AKAP6: variants seen among roughly 807,000 people sequenced by gnomAD.
AKAP6 encodes A-kinase anchoring protein 6.
AKAP6 carries 58 observed loss-of-function variants against 188.5 expected under a neutral mutation model. The observed-to-expected ratio is 0.31, with a 90% CI of 0.25 to 0.38. AKAP6 has a LOEUF of 0.38. Among genes scored for constraint, AKAP6 ranks in the 10% least tolerant of loss-of-function variants. The pLI is 1.00. For missense variants in AKAP6, 2,710 were observed against 2,740.0 expected (o/e 0.99, Z 0.24); for synonymous variants, 989 against 998.6 (o/e 0.99, Z 0.18).
rs1594856965 is a variant in AKAP6 at position 32,696,118 on chromosome 14, C to T, written c.3000+8C>T. 6 of 1,596,266 alleles carry T rather than the reference C, an allele frequency of 3.8e-6. No homozygotes were observed. Among genetic ancestry groups the T allele is most frequent in the Non-Finnish European group, 5.1e-6 (6 of 1,174,750 alleles). On this transcript the variant is annotated splice_region_variant and intron_variant, in intron 9 of 13. Coordinates refer to ENST00000280979, the MANE Select transcript of AKAP6 (RefSeq NM_004274.5). ...CAGCAGCATCTTTACAAGGTTAGAG[C>T]TACCCTTCCTGCCTTTACCTTGCTG...
Position 32,732,691 on chromosome 14 carries a change from ATC to A in AKAP6, c.3147+99_3147+100del, listed in dbSNP as rs750361093. ...CCGATTTCTAATTTGAGGCACAAAT[ATC>A]TCTCTCTTTCAATTCACTACCTACG... On this transcript the variant is annotated intron_variant, in intron 10 of 13. Transcript: ENST00000280979. The A allele has an allele frequency of 1.0e-4, 143 of 1,410,846 alleles. 1 individual carries two copies. The South Asian group carries it at 1.5e-3, about 15-fold the overall frequency. 87.4% of individuals were successfully genotyped at this position (1,410,846 alleles called of 1,614,324 possible).
chr14:32,530,714 C>T (rs1371078623), intron 2 of AKAP6, among the ~76,000 whole-genome samples: 1 of 152,076 alleles, frequency 6.6e-6, no homozygotes, highest in Non-Finnish European at 1.5e-5. Context: ...AAGGGTGCCT[C>T]ATTTCTGTCT....
rs117072209 is a variant in AKAP6 at position 32,507,654 on chromosome 14, G to A, written c.325-27900G>A. Reference sequence around the variant, plus strand: ...GCAAGGCAACATATAATTAAGTGCCGGAATGAGTGATGCAGTCAAGTGCTA... The same window carrying A: ...GCAAGGCAACATATAATTAAGTGCCAGAATGAGTGATGCAGTCAAGTGCTA... On this transcript the variant is annotated intron_variant, in intron 2 of 13. Transcript: ENST00000280979. Among the ~76,000 whole-genome samples, 1,244 of 152,106 alleles carry A rather than the reference G, an allele frequency of 8.2e-3. 6 individuals are homozygous for A. The highest frequency in any genetic ancestry group is 0.012 in the Non-Finnish European group (826 of 67,994).
At chr14:32,685,724 CAA>C (rs71115091) in intron 8 of AKAP6, among the ~76,000 whole-genome samples, 4,080 of 86,030 alleles carry the variant, frequency 0.047, 162 homozygotes, top group African/African-American at 0.15. Context: ...GACTCCATCT[CAA>C]AAAAAAAAAA....
At chr14:32,609,291 G>A (rs1375714048) in intron 7 of AKAP6, among the ~76,000 whole-genome samples, 1 of 152,088 alleles carries the variant, frequency 6.6e-6, no homozygotes, top group Non-Finnish European at 1.5e-5. Flanking sequence ...TTTCTCTTTG[G>A]AATTCAGTTG....
At chr14:32,624,399 A>G (rs897263447) in intron 7 of AKAP6, among the ~76,000 whole-genome samples, 1 of 152,212 alleles carries the variant, frequency 6.6e-6, no homozygotes, top group Admixed American at 6.5e-5. Flanking sequence ...AGCATGGTTG[A>G]TGGTTGTTAC....
chr14:32,480,449 G>A (rs1229586637), intron 2 of AKAP6, among the ~76,000 whole-genome samples: 2 of 152,136 alleles, frequency 1.3e-5, no homozygotes, highest in African/African-American at 4.8e-5. Context: ...AAAAAGTTGT[G>A]CCGTAGTCAT....
Position 32,823,144 on chromosome 14 carries a change from C to T in AKAP6, c.5331C>T (p.Ser1777=). 1 of 1,613,644 alleles carries T rather than the reference C, an allele frequency of 6.2e-7. No homozygotes were observed. Among genetic ancestry groups the T allele is most frequent in the Non-Finnish European group, 8.5e-7 (1 of 1,179,882 alleles). ...ELCIKDEDDD[S]SIATDDEIYE... is the part of the protein sequence containing the mutation. ...GCATCAAAGATGAGGATGACGACTC[C>T]AGTATTGCAACAGATGATGAAATTT... Residue 1777 remains serine (S), a synonymous_variant, in exon 13 of 14, where the codon TCC becomes TCT. Coordinates refer to ENST00000280979, the MANE Select transcript of AKAP6 (RefSeq NM_004274.5).
intron 12 of AKAP6, among the ~76,000 whole-genome samples, chr14:32,801,509 C>G (rs2033947893): frequency 6.6e-6 from 1 of 152,146 alleles, no homozygotes. Context: ...TACGTTGTTA[C>G]TACTGTTAAT....
At chr14:32,436,430 T>G (rs556428053) in intron 2 of AKAP6, among the ~76,000 whole-genome samples, 2 of 152,278 alleles carry the variant, frequency 1.3e-5, no homozygotes, top group African/African-American at 4.8e-5. Context: ...AGCATGACTC[T>G]CCACTCCACA....
At chr14:32,636,213 TA>T (rs1594800761) in intron 7 of AKAP6, among the ~76,000 whole-genome samples, 1 of 152,150 alleles carries the variant, frequency 6.6e-6, no homozygotes, top group Non-Finnish European at 1.5e-5. Context: ...ATATACAACA[TA>T]ATTGCTGGCA....
At chr14:32,561,934 C>A (rs1055687570) in intron 4 of AKAP6, among the ~76,000 whole-genome samples, 2 of 152,218 alleles carry the variant, frequency 1.3e-5, no homozygotes, top group African/African-American at 2.4e-5. Flanking sequence ...GGGGGGAAAT[C>A]ATTTCAAGAG....
At position 32,669,206 on chromosome 14, in the gene AKAP6, A is replaced by G. The variant is rs115417344; in HGVS notation, c.2731-9105A>G. 2.4e-3 allele frequency among the ~76,000 whole-genome samples: 358 copies of G among 152,306 alleles called. 2 individuals carry two copies. Among genetic ancestry groups the G allele is most frequent in the African/African-American group, 5.5e-3 (230 of 41,574 alleles). ...ACACTCAAGATGTATTTGTTGAATG[A>G]ATAAATGAAGGGCCTGAATCAACTT... On this transcript the variant is annotated intron_variant, in intron 7 of 13. Transcript: ENST00000280979.
At chr14:32,755,670 G>A (rs1405025010) in intron 11 of AKAP6, among the ~76,000 whole-genome samples, 1 of 152,040 alleles carries the variant, frequency 6.6e-6, no homozygotes, top group Non-Finnish European at 1.5e-5. Context: ...TGACACTACA[G>A]GTGAATACCA....
At chr14:32,735,546 CTG>C in intron 10 of AKAP6, 110 bp from the exon 11 acceptor site, 2 of 760,962 alleles carry the variant, frequency 2.6e-6, no homozygotes, top group South Asian at 2.0e-5. Context: ...ACCAACAAAA[CTG>C]TGGTGTGTTT....
intron 1 of AKAP6, among the ~76,000 whole-genome samples, chr14:32,375,500 C>CAA (rs35341541): frequency 8.2e-4 from 105 of 127,812 alleles, no homozygotes; most frequent in Non-Finnish European, 1.0e-3. Flanking sequence ...TTAGAGTAAG[C>CAA]AAAAAAAAAA....
chr14:32,462,915 A>AC (rs1891387037), intron 2 of AKAP6, among the ~76,000 whole-genome samples: 14 of 135,438 alleles, frequency 1.0e-4, no homozygotes, highest in East Asian at 9.7e-4. Flanking sequence ...AAAAAAAAAA[A>AC]AAAAAAAAAA....
At chr14:32,579,297 A>C (rs1884863164) in intron 5 of AKAP6, among the ~76,000 whole-genome samples, 1 of 152,154 alleles carries the variant, frequency 6.6e-6, no homozygotes, top group African/African-American at 2.4e-5. Flanking sequence ...AGTCCTTCTT[A>C]AGATATTTAT....
intron 1 of AKAP6, among the ~76,000 whole-genome samples, chr14:32,397,029 A>T (rs1888900900): frequency 6.6e-6 from 1 of 152,208 alleles, no homozygotes; most frequent in Non-Finnish European, 1.5e-5. Flanking sequence ...GTAGGAGAAC[A>T]AAAAAGTAGT....
Sources: gnomAD v4.1 joint callset for allele counts (sites outside exome capture counted in the v4.1 genomes callset) on GRCh38, gnomAD v4.1.1 for gene constraint, MANE v1.5 for transcripts, NCBI Gene and HGNC (gene_info 2026-07-23, HGNC 2026-07-21) for gene names.